HES7: variants seen among roughly 807,000 people sequenced by gnomAD.
HES7 encodes the protein hes family bHLH transcription factor 7, also known as transcription factor HES-7.
A neutral mutation model predicts 18.0 loss-of-function variants in HES7; 8 were observed. The ratio of observed to expected loss-of-function variants is 0.45; its 90% CI spans 0.26 to 0.80. The LOEUF is 0.80. Ranked by LOEUF, HES7 falls within the 30% of genes least tolerant of loss-of-function variation. The pLI, the probability that HES7 is intolerant of heterozygous loss-of-function variation, is 0.18. For missense variants in HES7, 356 were observed against 340.9 expected (o/e 1.04, Z -0.35); for synonymous variants, 170 against 158.6 (o/e 1.07, Z -0.54).
Position 8,122,048 on chromosome 17 carries a change from C to A in HES7, c.227-11G>T. 6.7e-7 allele frequency: 1 copy of A among 1,495,934 alleles called. No homozygotes were observed. The highest frequency in any genetic ancestry group is 1.3e-5 in the South Asian group (1 of 79,210). The allele number at this position is 1,495,934 out of a possible 1,614,324, so 92.7% of individuals were successfully genotyped here. A position where few individuals can be genotyped will look rare whatever the true frequency, so the allele number is the denominator to read the frequency against. On this transcript the variant is annotated splice_polypyrimidine_tract_variant and intron_variant, in intron 3 of 3. Transcript: ENST00000541682. The surrounding 1 kb of genome is among the most constrained non-coding windows in gnomAD (Gnocchi z 6.9). ...CTGGAGCCGCGGCGGCTGGTGCGGC[C>A]GGCGGGAGCACAGGTGGGCAGGGCA...
At position 8,124,092 on chromosome 17, in the gene HES7, C is replaced by A; in HGVS notation, c.-8G>T. On this transcript the variant is annotated 5_prime_UTR_variant, in exon 1 of 4. Transcript: ENST00000541682. ...TCGATCCCGGGTGACCATTGCTCCTCCGGACCCTGTGTGGACCGGTTCCCT... is the reference window on the plus strand; with the variant it reads ...TCGATCCCGGGTGACCATTGCTCCTACGGACCCTGTGTGGACCGGTTCCCT... 1 of 1,614,104 alleles carries A rather than the reference C, an allele frequency of 6.2e-7. No individual in the cohort carries two copies. The highest frequency in any genetic ancestry group is 8.5e-7 in the Non-Finnish European group (1 of 1,180,042).
Position 8,122,214 on chromosome 17 carries a change from C to A in HES7, c.226+129G>T, listed in dbSNP as rs139210635. 9.3e-3 allele frequency: 8,765 copies of A among 943,178 alleles called. 68 individuals are homozygous for A. Among genetic ancestry groups the A allele is most frequent in the Non-Finnish European group, 0.012 (7,646 of 624,010 alleles). The allele number at this position is 943,178 out of a possible 1,614,324, so 58.4% of individuals were successfully genotyped here. A position where few individuals can be genotyped will look rare whatever the true frequency, so the allele number is the denominator to read the frequency against. ...GACAGACACGCGCGGGTGTTATTAA[C>A]CTCGCCTCGGAGCAGAACCGGCCAC... On this transcript the variant is annotated intron_variant, in intron 3 of 3. Coordinates refer to ENST00000541682, the MANE Select transcript of HES7 (RefSeq NM_001165967.2). The surrounding 1 kb of genome is among the most constrained non-coding windows in gnomAD (Gnocchi z 6.9).
In HES7 at chr17:8,122,084, AG is replaced by A. The variant is rs1981378538; in HGVS notation, c.227-48del. On this transcript the variant is annotated intron_variant, in intron 3 of 3. Coordinates refer to ENST00000541682, the MANE Select transcript of HES7 (RefSeq NM_001165967.2). The surrounding 1 kb of genome is among the most constrained non-coding windows in gnomAD (Gnocchi z 6.9). ...CAGGTGGGCAGGGCAGGGGCCCGGC[AG>A]GGGTGAGGGAAGGGGCGGGGCGCAG... is the stretch of plus-strand genomic sequence containing the variant. 7.0e-7 allele frequency: 1 copy of A among 1,436,648 alleles called. No individual in the cohort carries two copies. Among genetic ancestry groups the A allele is most frequent in the African/African-American group, 1.5e-5 (1 of 68,184 alleles). The allele number at this position is 1,436,648 out of a possible 1,614,324, so 89.0% of individuals were successfully genotyped here. A position where few individuals can be genotyped will look rare whatever the true frequency, so the allele number is the denominator to read the frequency against.
In HES7 at chr17:8,122,103, G is replaced by A. The variant is rs1981380237; in HGVS notation, c.227-66C>T. The A allele has an allele frequency of 4.4e-6, 6 of 1,374,262 alleles. No individual in the cohort carries two copies. Among genetic ancestry groups the A allele is most frequent in the Non-Finnish European group, 5.8e-6 (6 of 1,039,420 alleles). The allele number at this position is 1,374,262 out of a possible 1,614,324, so 85.1% of individuals were successfully genotyped here. A position where few individuals can be genotyped will look rare whatever the true frequency, so the allele number is the denominator to read the frequency against. On this transcript the variant is annotated intron_variant, in intron 3 of 3. Coordinates refer to ENST00000541682, the MANE Select transcript of HES7 (RefSeq NM_001165967.2). The surrounding 1 kb of genome is among the most constrained non-coding windows in gnomAD (Gnocchi z 6.9). ...CCCGGCAGGGGTGAGGGAAGGGGCGGGGCGCAGAGATACCAAGGCCGGACA... is the reference window on the plus strand; with the variant it reads ...CCCGGCAGGGGTGAGGGAAGGGGCGAGGCGCAGAGATACCAAGGCCGGACA...
rs1285708610 is a variant in HES7 at position 8,123,389 on chromosome 17, T to A, written c.43-263A>T. 8 of 566,054 alleles carry A rather than the reference T, an allele frequency of 1.4e-5. No homozygotes were observed. Among genetic ancestry groups the A allele is most frequent in the Non-Finnish European group, 6.3e-6 (2 of 315,014 alleles). The allele number at this position is 566,054 out of a possible 1,614,324, so 35.1% of individuals were successfully genotyped here. ...CCTCCCCTCTCTGTGTCTCTCCTCC[T>A]CTTTTCTCTCTACGTCTCCGTCTGG... On this transcript the variant is annotated intron_variant, in intron 1 of 3. Transcript: ENST00000541682. This position sits in a 1 kb window ranked among gnomAD's most constrained non-coding sequence, Gnocchi z 5.9.
In HES7 at chr17:8,123,212, G is replaced by T; in HGVS notation, c.43-86C>A. The T allele has an allele frequency of 1.8e-6, 2 of 1,088,954 alleles. No individual in the cohort carries two copies. The highest frequency in any genetic ancestry group is 2.6e-5 in the East Asian group (1 of 38,678). 67.5% of individuals were successfully genotyped at this position (1,088,954 alleles called of 1,614,324 possible). A position where few individuals can be genotyped will look rare whatever the true frequency, so the allele number is the denominator to read the frequency against. On this transcript the variant is annotated intron_variant, in intron 1 of 3. Coordinates refer to ENST00000541682, the MANE Select transcript of HES7 (RefSeq NM_001165967.2). The surrounding 1 kb of genome is among the most constrained non-coding windows in gnomAD (Gnocchi z 5.9). ...GGCGTCGGATCCCGCCGCTGGGAGA[G>T]CCCGGCTTCCACCCCGGCCACAAGA...
In HES7 at chr17:8,123,968, C is replaced by A; in HGVS notation, c.42+75G>T. 1 of 1,551,838 alleles carries A rather than the reference C, an allele frequency of 6.4e-7. No individual in the cohort carries two copies. The highest frequency in any genetic ancestry group is 8.9e-7 in the Non-Finnish European group (1 of 1,128,522). On this transcript the variant is annotated intron_variant, in intron 1 of 3. Transcript: ENST00000541682. The surrounding 1 kb of genome is among the most constrained non-coding windows in gnomAD (Gnocchi z 5.9). The stretch of plus-strand genomic sequence containing the variant: ...CCACCCCTGCGTCCCCAGCCTCTCT[C>A]CAGACCGACGGCGTCAGGGGCCCAG...
upstream of HES7, among the ~76,000 whole-genome samples, chr17:8,125,800 G>A (rs1024454104): frequency 2.0e-5 from 3 of 152,204 alleles, no homozygotes; most frequent in Non-Finnish European, 4.4e-5. Context: ...GCCCGGGTTC[G>A]ATTCCCGGCC....
At position 8,124,000 on chromosome 17, in the gene HES7, A is replaced by G. The variant is rs1372869; in HGVS notation, c.42+43T>C. ...GACGGCGTCAGGGGCCCAGTCCCCT[A>G]GCCAAACCAGGGACCTCTGCTCCCT... is the stretch of plus-strand genomic sequence containing the variant. On this transcript the variant is annotated intron_variant, in intron 1 of 3. Coordinates refer to ENST00000541682, the MANE Select transcript of HES7 (RefSeq NM_001165967.2). The surrounding 1 kb of genome is among the most constrained non-coding windows in gnomAD (Gnocchi z 5.9). 0.42 allele frequency: 678,634 copies of G among 1,609,312 alleles called. 152,703 individuals carry two copies. Among genetic ancestry groups the G allele is most frequent in the African/African-American group, 0.71 (53,345 of 74,868 alleles).
upstream of HES7, among the ~76,000 whole-genome samples, chr17:8,125,712 C>G (rs1000698882): frequency 3.3e-5 from 5 of 152,192 alleles, no homozygotes; most frequent in Non-Finnish European, 5.9e-5. Flanking sequence ...CTCTTACAAT[C>G]TCAGATAGGA....
Position 8,123,258 on chromosome 17 carries a change from GC to G in HES7, c.43-133del. 1 of 705,084 alleles carries G rather than the reference GC, an allele frequency of 1.4e-6. No individual in the cohort carries two copies. The highest frequency in any genetic ancestry group is 2.5e-6 in the Non-Finnish European group (1 of 395,848). The allele number at this position is 705,084 out of a possible 1,614,324, so 43.7% of individuals were successfully genotyped here. The stretch of plus-strand genomic sequence containing the variant: ...CAAGACCCCAGATTGCCTAGGGCCG[GC>G]CCCATTCGATCCCTCTCCGCTCCCC... On this transcript the variant is annotated intron_variant, in intron 1 of 3. Coordinates refer to ENST00000541682, the MANE Select transcript of HES7 (RefSeq NM_001165967.2). This position sits in a 1 kb window ranked among gnomAD's most constrained non-coding sequence, Gnocchi z 5.9.
Position 8,121,673 on chromosome 17 carries a change from G to A in HES7, c.591C>T (p.Pro197=), listed in dbSNP as rs558811781. Residue 197 remains proline (P), a synonymous_variant, in exon 4 of 4, where the codon CCC becomes CCT. Transcript: ENST00000541682. ...PRAGDSGAPA[P]LTGLLPPPPP... is the part of the protein sequence containing the mutation. ...GTGGCGGCGGCAGCAGTCCGGTGAGGGGCGCCGGCGCGCCAGAATCCCCGG... is the reference window on the plus strand; with the variant it reads ...GTGGCGGCGGCAGCAGTCCGGTGAGAGGCGCCGGCGCGCCAGAATCCCCGG... 1,605 of 1,327,368 alleles carry A rather than the reference G, an allele frequency of 1.2e-3. 8 individuals are homozygous for A. Among genetic ancestry groups the A allele is most frequent in the Middle Eastern group, 0.011 (39 of 3,564 alleles). 82.2% of individuals were successfully genotyped at this position (1,327,368 alleles called of 1,614,324 possible).
Position 8,122,425 on chromosome 17 carries a change from G to C in HES7, c.144C>G (p.Leu48=). The part of the protein sequence containing the change: ...LLLERTRDQN[L]RNPKLEKAEI... The stretch of plus-strand genomic sequence containing the variant: ...CCGCTTTCTCCAGCTTCGGGTTCCG[G>C]AGGTTCTACAGACGGGAGGGGAGGG... The change falls in exon 3 of 4, where the codon CTC becomes CTG. Residue 48 remains leucine (L), a synonymous_variant. Transcript: ENST00000541682. The surrounding 1 kb of genome is among the most constrained non-coding windows in gnomAD (Gnocchi z 6.9). 6.3e-7 allele frequency: 1 copy of C among 1,582,176 alleles called. No individual in the cohort carries two copies. The highest frequency in any genetic ancestry group is 8.6e-7 in the Non-Finnish European group (1 of 1,163,984).
chr17:8,125,791 C>T (rs970483566), upstream of HES7, among the ~76,000 whole-genome samples: 2 of 152,202 alleles, frequency 1.3e-5, no homozygotes, highest in South Asian at 2.1e-4. Context: ...ACGCGGGAGG[C>T]CCGGGTTCGA....
Position 8,122,434 on chromosome 17 carries a change from C to T in HES7, c.139-4G>A, listed in dbSNP as rs1434557258. The T allele has an allele frequency of 1.3e-6, 2 of 1,572,710 alleles. No individual in the cohort carries two copies. The highest frequency in any genetic ancestry group is 1.9e-5 in the Admixed American group (1 of 53,818). On this transcript the variant is annotated splice_polypyrimidine_tract_variant and splice_region_variant and intron_variant, in intron 2 of 3. Transcript: ENST00000541682. This position sits in a 1 kb window ranked among gnomAD's most constrained non-coding sequence, Gnocchi z 6.9. The stretch of plus-strand genomic sequence containing the variant: ...CCAGCTTCGGGTTCCGGAGGTTCTA[C>T]AGACGGGAGGGGAGGGCGCAGAGAC...
In HES7 at chr17:8,123,032, TGGTCCCG is replaced by T; in HGVS notation, c.130_136del (p.Asp45ThrfsTer20). On this transcript the variant is annotated frameshift_variant and splice_region_variant, in exon 2 of 4. Transcript: ENST00000541682. LOFTEE classifies it high-confidence loss of function. This position sits in a 1 kb window ranked among gnomAD's most constrained non-coding sequence, Gnocchi z 5.9. Reference sequence around the variant, plus strand: ...CCTAGGGCTAGCGGAGGGACTGACCTGGTCCCGGGTCCGCTCCAGCAGCAGCAGCCTC... The same window carrying T: ...CCTAGGGCTAGCGGAGGGACTGACCTGGTCCGCTCCAGCAGCAGCAGCCTC... The T allele has an allele frequency of 6.3e-7, 1 of 1,595,214 alleles. No individual in the cohort carries two copies. The highest frequency in any genetic ancestry group is 8.5e-7 in the Non-Finnish European group (1 of 1,170,704).
chr17:8,121,510 C>T lies in HES7; in HGVS notation c.*61G>A. The T allele has an allele frequency of 8.0e-7, 1 of 1,257,432 alleles. No individual in the cohort carries two copies. The highest frequency in any genetic ancestry group is 1.0e-6 in the Non-Finnish European group (1 of 1,000,974). 77.9% of individuals were successfully genotyped at this position (1,257,432 alleles called of 1,614,324 possible). Reference sequence around the variant, plus strand: ...TCGCCCGGACGCCCGGGTCCCTCTGCTGCCCTCGGGCTGGAGTCTCTACCC... The same window carrying T: ...TCGCCCGGACGCCCGGGTCCCTCTGTTGCCCTCGGGCTGGAGTCTCTACCC... On this transcript the variant is annotated 3_prime_UTR_variant, in exon 4 of 4. Transcript: ENST00000541682.
upstream of HES7, among the ~76,000 whole-genome samples, chr17:8,124,366 A>C (rs1008462534): frequency 1.3e-5 from 2 of 152,086 alleles, no homozygotes; most frequent in South Asian, 2.1e-4. Flanking sequence ...TGAAAGGAGG[A>C]GGCTATTGGG....
Position 8,120,995 on chromosome 17 carries a change from C to T in HES7, c.*576G>A, listed in dbSNP as rs554308736. 6.5e-6 allele frequency: 1 copy of T among 152,834 alleles called. No individual in the cohort carries two copies. The highest frequency in any genetic ancestry group is 2.4e-5 in the African/African-American group (1 of 41,578). 9.5% of individuals were successfully genotyped at this position (152,834 alleles called of 1,614,324 possible). A position where few individuals can be genotyped will look rare whatever the true frequency, so the allele number is the denominator to read the frequency against. On this transcript the variant is annotated 3_prime_UTR_variant, in exon 4 of 4. Transcript: ENST00000541682. ...TAGAGCAATTCAAAGGTTGTGGGTTCGAATCCCACCAGAGTCGATTTTATT... is the reference window on the plus strand; with the variant it reads ...TAGAGCAATTCAAAGGTTGTGGGTTTGAATCCCACCAGAGTCGATTTTATT...
Sources: allele counts gnomAD v4.1 joint callset (sites outside exome capture counted in the v4.1 genomes callset), GRCh38; gene constraint gnomAD v4.1.1; non-coding constraint Gnocchi (gnomAD v3.1); transcripts MANE v1.5; gene names NCBI Gene and HGNC (gene_info 2026-07-23, HGNC 2026-07-21).